COMMD8: variants seen among roughly 807,000 people sequenced by gnomAD.
COMMD8 encodes the protein COMM domain-containing protein 8.
In COMMD8, 28 loss-of-function variants were observed where a neutral mutation model predicts 27.2. The observed-to-expected ratio is 1.03, with a 90% CI of 0.76 to 1.41. The LOEUF is 1.41. Ranked by LOEUF, COMMD8 falls within the 40% of genes most tolerant of loss-of-function variation. The pLI, the probability that COMMD8 is intolerant of heterozygous loss-of-function variation, is 0.00. For synonymous variants in COMMD8, 79 were observed against 75.5 expected, an observed-to-expected ratio of 1.05 and a Z score of -0.24; for missense variants, 217 against 211.2, an observed-to-expected ratio of 1.03 and a Z score of -0.17.
chr4:47,456,590 T>C lies in COMMD8; in HGVS notation c.362A>G (p.Asp121Gly). ...AISSAQLQDF[D>G]WQVKLALSSD... ...ATAGACTCTTACCTTTACCTGCCAA[T>C]CAAAATCCTGTAGCTGTGCAGAGGA... The change falls in exon 3 of 5, where the codon GAT (aspartate) becomes GGT (glycine). Residue 121 changes from aspartate to glycine, a missense_variant. Physicochemically the swap from Asp to Gly is moderately conservative, Grantham distance 94. Coordinates refer to ENST00000381571, the MANE Select transcript of COMMD8 (RefSeq NM_017845.5). 6.2e-7 allele frequency: 1 copy of C among 1,605,640 alleles called. No individual in the cohort carries two copies.
chr4:47,460,840 C>T (rs1329156054), intron 1 of COMMD8, among the ~76,000 whole-genome samples: 1 of 152,150 alleles, frequency 6.6e-6, no homozygotes, highest in Non-Finnish European at 1.5e-5. Flanking sequence ...CAGAAAGTCT[C>T]CAGTACTTTT....
chr4:47,456,294 A>G (rs994912875), intron 3 of COMMD8, among the ~76,000 whole-genome samples: 1 of 140,986 alleles, frequency 7.1e-6, no homozygotes, highest in Admixed American at 7.1e-5. Context: ...ATATATATAT[A>G]TATATATGTA....
At chr4:47,459,391 T>C (rs1428559527) in intron 2 of COMMD8, among the ~76,000 whole-genome samples, 3 of 152,154 alleles carry the variant, frequency 2.0e-5, no homozygotes, top group Admixed American at 6.5e-5. Context: ...GGATATCCTA[T>C]GACCATGCAA....
chr4:47,452,822 C>T (rs1464925449), intron 4 of COMMD8, among the ~76,000 whole-genome samples: 5 of 152,078 alleles, frequency 3.3e-5, no homozygotes, highest in Admixed American at 6.6e-5. Flanking sequence ...ATGGTAAAAC[C>T]CCATCTCTAC....
chr4:47,455,744 G>T (rs1441264793), intron 3 of COMMD8, among the ~76,000 whole-genome samples: 2 of 152,236 alleles, frequency 1.3e-5, no homozygotes, highest in Non-Finnish European at 2.9e-5. Context: ...GAAACACAAT[G>T]TATTTATTTC....
chr4:47,463,667 G>A lies in COMMD8; in HGVS notation c.-16C>T, dbSNP rs776146790. On this transcript the variant is annotated 5_prime_UTR_variant, in exon 1 of 5. Coordinates refer to ENST00000381571, the MANE Select transcript of COMMD8 (RefSeq NM_017845.5). ...CCGGCTCCATCCCTGCGCGAAGCTG[G>A]GGCTTGGGTCACGTGTCAAGGCTGG... 3.9e-6 allele frequency: 6 copies of A among 1,545,862 alleles called. No homozygotes were observed. The highest frequency in any genetic ancestry group is 4.0e-5 in the Admixed American group (2 of 50,434).
At chr4:47,452,714 G>C (rs1729782954) in intron 4 of COMMD8, among the ~76,000 whole-genome samples, 1 of 152,200 alleles carries the variant, frequency 6.6e-6, no homozygotes, top group African/African-American at 2.4e-5. Flanking sequence ...TAAAACATTT[G>C]GCTGGGTGCA....
At position 47,450,992 on chromosome 4, in the gene COMMD8, C is replaced by T. The variant is rs1324877831; in HGVS notation, c.*653G>A. 1.3e-5 allele frequency: 2 copies of T among 152,208 alleles called. No homozygotes were observed. The highest frequency in any genetic ancestry group is 4.8e-5 in the African/African-American group (2 of 41,442). The allele number at this position is 152,208 out of a possible 1,614,324, so 9.4% of individuals were successfully genotyped here. On this transcript the variant is annotated 3_prime_UTR_variant, in exon 5 of 5. Transcript: ENST00000381571. ...GAGCAATGTTTCCCAAACATAGAAG[C>T]GCAGAAGTAAAATGTTATTTTCATT...
intron 4 of COMMD8, among the ~76,000 whole-genome samples, chr4:47,452,379 A>C (rs1447641244): frequency 6.6e-6 from 1 of 152,184 alleles, no homozygotes. Flanking sequence ...CCAGTTAATA[A>C]AGCCACTTTT....
intron 1 of COMMD8, among the ~76,000 whole-genome samples, chr4:47,460,627 C>G (rs1018568921): frequency 6.6e-6 from 1 of 152,138 alleles, no homozygotes; most frequent in African/African-American, 2.4e-5. Context: ...ATCAAAGTCT[C>G]TTACTGTAGG....
intron 4 of COMMD8, 118 bp downstream of exon 4, chr4:47,452,941 A>G (rs1373320070): frequency 4.3e-5 from 33 of 771,836 alleles, no homozygotes; most frequent in South Asian, 1.3e-4. Context: ...GGTTGCAGTG[A>G]GCCGAGTTCG....
At chr4:47,454,886 A>AC (rs1400872401) in intron 3 of COMMD8, among the ~76,000 whole-genome samples, 1 of 151,632 alleles carries the variant, frequency 6.6e-6, no homozygotes, top group Non-Finnish European at 1.5e-5. Flanking sequence ...AAAAAAAAAA[A>AC]ACAGAACTAC....
intron 2 of COMMD8, among the ~76,000 whole-genome samples, chr4:47,458,391 G>A (rs915598668): frequency 6.6e-6 from 1 of 151,964 alleles, no homozygotes; most frequent in African/African-American, 2.4e-5. Context: ...GAAAGGCTGT[G>A]GGACACAAGG....
chr4:47,459,942 G>C, intron 2 of COMMD8: 1 of 445,692 alleles, frequency 2.2e-6, no homozygotes, highest in Non-Finnish European at 3.9e-6. Flanking sequence ...TCTTCTGTAT[G>C]TTTTAAATGT....
intron 2 of COMMD8, 57 bp downstream of exon 2, chr4:47,460,087 C>G (rs1729984338): frequency 1.4e-6 from 2 of 1,470,494 alleles, no homozygotes; most frequent in Non-Finnish European, 1.9e-6. Flanking sequence ...CTAAAAAACT[C>G]AGAGAGAAAC....
chr4:47,454,184 C>T (rs115431621), intron 3 of COMMD8, among the ~76,000 whole-genome samples: 2 of 152,162 alleles, frequency 1.3e-5, no homozygotes, highest in Non-Finnish European at 2.9e-5. Context: ...CCTTGAGAAG[C>T]GGTTACAATC....
chr4:47,457,537 T>C (rs1035287231), intron 2 of COMMD8, among the ~76,000 whole-genome samples: 1 of 152,176 alleles, frequency 6.6e-6, no homozygotes, highest in Admixed American at 6.5e-5. Flanking sequence ...GTACACATTA[T>C]TTTCAAATGT....
chr4:47,461,531 C>T (rs558525455), intron 1 of COMMD8, among the ~76,000 whole-genome samples: 1 of 151,978 alleles, frequency 6.6e-6, no homozygotes, highest in African/African-American at 2.4e-5. Flanking sequence ...AAAAAAAAAC[C>T]CAGAACTCAA....
chr4:47,453,866 C>A (rs909011691), intron 3 of COMMD8, among the ~76,000 whole-genome samples: 3 of 152,134 alleles, frequency 2.0e-5, no homozygotes, highest in African/African-American at 7.2e-5. Context: ...AGAATCTGAG[C>A]CAGAAAAATC....
Sources: gnomAD v4.1 joint callset for allele counts (sites outside exome capture counted in the v4.1 genomes callset) on GRCh38, gnomAD v4.1.1 for gene constraint, MANE v1.5 for transcripts, NCBI Gene and HGNC (gene_info 2026-07-23, HGNC 2026-07-21) for gene names.